C8orf34: variants seen among roughly 807,000 people sequenced by gnomAD.
C8orf34 encodes the protein chromosome 8 open reading frame 34.
A neutral mutation model predicts 68.3 loss-of-function variants in C8orf34; 65 were observed. The ratio of observed to expected loss-of-function variants is 0.95; its 90% CI spans 0.78 to 1.17. The LOEUF (loss-of-function observed/expected upper bound fraction) is 1.17, where lower values mean the gene tolerates loss of function less well. Ranked by LOEUF, C8orf34 falls within the 50% of genes most tolerant of loss-of-function variation. The pLI is 0.00. For missense variants in C8orf34, 664 were observed against 655.4 expected (o/e 1.01, Z -0.14); for synonymous variants, 244 against 241.2 (o/e 1.01, Z -0.11).
chr8:68,491,556 C>G (rs950676972), intron 5 of C8orf34, among the ~76,000 whole-genome samples: 1 of 152,116 alleles, frequency 6.6e-6, no homozygotes, highest in African/African-American at 2.4e-5. Context: ...CCAGCAACAT[C>G]TCTTCTGTCT....
Position 68,468,743 on chromosome 8 carries a change from G to C in C8orf34, c.659G>C (p.Ser220Thr), listed in dbSNP as rs200920530. ...TGGAACTGGAGGACTAAACCACAAA[G>C]CCGTGATTTTGATGAATTGAATCAC... ...PKWNWRTKPQ[S>T]RDFDELNHIL... The change falls in exon 4 of 14, where the codon AGC becomes ACC. Residue 220 changes from serine to threonine, a missense_variant. Ser to Thr is a moderately conservative substitution (Grantham distance 58, BLOSUM62 1). Coordinates refer to ENST00000518698, the MANE Select transcript of C8orf34 (RefSeq NM_052958.4). 4 of 1,612,650 alleles carry C rather than the reference G, an allele frequency of 2.5e-6. No individual in the cohort carries two copies. The highest frequency in any genetic ancestry group is 3.4e-6 in the Non-Finnish European group (4 of 1,179,206).
chr8:68,436,044 CA>C (rs948097019), intron 1 of C8orf34, among the ~76,000 whole-genome samples: 1 of 151,930 alleles, frequency 6.6e-6, no homozygotes, highest in African/African-American at 2.4e-5. Context: ...CTATCTCTAC[CA>C]AAAAATACAA....
chr8:68,578,674 A>ATATATAT (rs1816977212), intron 7 of C8orf34, among the ~76,000 whole-genome samples: 1 of 151,152 alleles, frequency 6.6e-6, no homozygotes, highest in African/African-American at 2.5e-5. Context: ...ATTGATCTAT[A>ATATATAT]TTCTGAGGAA....
chr8:68,375,884 C>T (rs184056164), intron 1 of C8orf34, among the ~76,000 whole-genome samples: 7 of 152,198 alleles, frequency 4.6e-5, no homozygotes, highest in African/African-American at 1.7e-4. Context: ...AAAATATAGG[C>T]TTTAGACTCA....
chr8:68,482,803 G>A (rs1812916832), intron 4 of C8orf34, among the ~76,000 whole-genome samples: 1 of 152,178 alleles, frequency 6.6e-6, no homozygotes, highest in African/African-American at 2.4e-5. Flanking sequence ...ACTGAATGAG[G>A]TGTTGGGAAG....
intron 3 of C8orf34, among the ~76,000 whole-genome samples, chr8:68,455,964 A>C (rs1211250543): frequency 6.6e-6 from 1 of 151,884 alleles, no homozygotes; most frequent in African/African-American, 2.4e-5. Context: ...ATTTCTGTCT[A>C]GCCGGGCGTG....
chr8:68,633,035 G>C (rs1818737196), intron 7 of C8orf34, among the ~76,000 whole-genome samples: 1 of 152,282 alleles, frequency 6.6e-6, no homozygotes, highest in South Asian at 2.1e-4. Context: ...TAAATCTTCT[G>C]TAATATTAAT....
intron 5 of C8orf34, among the ~76,000 whole-genome samples, chr8:68,518,129 C>T (rs1201032874): frequency 6.6e-6 from 1 of 152,114 alleles, no homozygotes; most frequent in Non-Finnish European, 1.5e-5. Flanking sequence ...TATCCCAAAC[C>T]TCAGCATCAC....
At chr8:68,565,201 G>C (rs1226963864) in intron 7 of C8orf34, among the ~76,000 whole-genome samples, 2 of 152,098 alleles carry the variant, frequency 1.3e-5, no homozygotes, top group African/African-American at 4.8e-5. Flanking sequence ...CATTGCTCCT[G>C]TCTTTTTGGG....
chr8:68,712,217 C>T (rs185365929), intron 9 of C8orf34, among the ~76,000 whole-genome samples: 5 of 152,220 alleles, frequency 3.3e-5, no homozygotes, highest in African/African-American at 4.8e-5. Context: ...CCCTGAAATA[C>T]ACCAAAGTAG....
chr8:68,672,288 C>A (rs1004547410), intron 8 of C8orf34, among the ~76,000 whole-genome samples: 2 of 149,750 alleles, frequency 1.3e-5, no homozygotes, highest in South Asian at 2.1e-4. Context: ...CAAAAGAACA[C>A]CTTCATGAGA....
intron 12 of C8orf34, among the ~76,000 whole-genome samples, chr8:68,811,416 C>T (rs2129529954): frequency 6.6e-6 from 1 of 152,342 alleles, no homozygotes; most frequent in South Asian, 2.1e-4. Context: ...TGAACAGCTG[C>T]ACCTGTGCCC....
At chr8:68,480,440 G>A (rs1306402886) in intron 4 of C8orf34, among the ~76,000 whole-genome samples, 2 of 152,152 alleles carry the variant, frequency 1.3e-5, no homozygotes, top group African/African-American at 4.8e-5. Context: ...GTTACTGAGA[G>A]TGGGGTGTTG....
At chr8:68,802,548 G>A (rs1265150350) in intron 12 of C8orf34, among the ~76,000 whole-genome samples, 5 of 151,954 alleles carry the variant, frequency 3.3e-5, no homozygotes, top group Non-Finnish European at 2.9e-5. Context: ...GCTGAGGCTG[G>A]AGAGCTGTGG....
chr8:68,809,255 A>G (rs781279385), intron 12 of C8orf34, among the ~76,000 whole-genome samples: 4 of 152,168 alleles, frequency 2.6e-5, no homozygotes, highest in African/African-American at 7.2e-5. Flanking sequence ...TTTACTTACT[A>G]ACTAGAAATG....
chr8:68,481,772 T>C (rs1812870315), intron 4 of C8orf34, among the ~76,000 whole-genome samples: 1 of 152,188 alleles, frequency 6.6e-6, no homozygotes, highest in Non-Finnish European at 1.5e-5. Flanking sequence ...AACCAATACC[T>C]ATACCCCAAT....
intron 1 of C8orf34, among the ~76,000 whole-genome samples, chr8:68,368,453 C>T (rs933155634): frequency 6.6e-6 from 1 of 151,592 alleles, no homozygotes; most frequent in Non-Finnish European, 1.5e-5. Context: ...TTTCTTTTCA[C>T]TCTCTACAGA....
intron 4 of C8orf34, among the ~76,000 whole-genome samples, chr8:68,480,109 C>G (rs1476057239): frequency 6.6e-6 from 1 of 152,204 alleles, no homozygotes; most frequent in Non-Finnish European, 1.5e-5. Context: ...AAAATCTCAA[C>G]TTGAATTGTA....
chr8:68,386,370 A>C (rs546830074), intron 1 of C8orf34, among the ~76,000 whole-genome samples: 1 of 152,318 alleles, frequency 6.6e-6, no homozygotes, highest in South Asian at 2.1e-4. Flanking sequence ...AAAGCTTTGA[A>C]GTATTTAGCA....
Sources: allele counts gnomAD v4.1 joint callset (sites outside exome capture counted in the v4.1 genomes callset), GRCh38; gene constraint gnomAD v4.1.1; transcripts MANE v1.5; gene names NCBI Gene and HGNC (gene_info 2026-07-23, HGNC 2026-07-21).